Variants in MCTP1 observed in about 807,000 individuals in gnomAD.
MCTP1 encodes multiple C2 and transmembrane domain containing 1, also known as multiple C2 and transmembrane domain-containing protein 1.
A neutral mutation model predicts 120.6 loss-of-function variants in MCTP1; 69 were observed. The ratio of observed to expected loss-of-function variants is 0.57; its 90% confidence interval spans 0.47 to 0.70. The LOEUF (loss-of-function observed/expected upper bound fraction) is 0.70. MCTP1 is among the 30% of genes least tolerant of loss of function. The pLI is 0.00. For missense variants in MCTP1, 1,203 were observed against 1,248.8 expected (o/e 0.96, Z 0.55); for synonymous variants, 529 against 493.1 (o/e 1.07, Z -0.96).
At chr5:95,100,946 G>T (rs1756675995) in intron 1 of MCTP1, among the ~76,000 whole-genome samples, 1 of 152,096 alleles carries the variant, frequency 6.6e-6, no homozygotes, top group South Asian at 2.1e-4. Context: ...AAGGAACCAG[G>T]GATTCCTAAA....
rs1195742201 is a variant in MCTP1 at position 95,069,639 on chromosome 5, T to A, written c.721-52155A>T. 2.0e-5 allele frequency among the ~76,000 whole-genome samples: 3 copies of A among 151,940 alleles called. No homozygotes were observed. The East Asian group carries it at 5.8e-4, about 29-fold the overall frequency. On this transcript the variant is annotated intron_variant, in intron 1 of 22. Coordinates refer to ENST00000515393, the MANE Select transcript of MCTP1 (RefSeq NM_024717.7). ...CACTCTTCTTTGAGCTCCTTGTCCT[T>A]AGGCTCACAGGGATGTCAAGTTGGG...
At chr5:94,772,880 G>T (rs967249645) in intron 19 of MCTP1, among the ~76,000 whole-genome samples, 1 of 152,160 alleles carries the variant, frequency 6.6e-6, no homozygotes, top group Admixed American at 6.5e-5. Flanking sequence ...TTGAGTGGTA[G>T]GTCTGGCTCT....
intron 17 of MCTP1, among the ~76,000 whole-genome samples, chr5:94,864,851 G>A (rs1276084905): frequency 6.6e-6 from 1 of 151,834 alleles, no homozygotes; most frequent in Non-Finnish European, 1.5e-5. Flanking sequence ...AAAAGAAAGA[G>A]AAAATGTGCA....
chr5:95,063,197 T>C (rs1224042617), intron 1 of MCTP1, among the ~76,000 whole-genome samples: 8 of 152,188 alleles, frequency 5.3e-5, no homozygotes. Context: ...AGAAATTAGC[T>C]CTCCTACAGA....
intron 19 of MCTP1, among the ~76,000 whole-genome samples, chr5:94,738,673 C>T (rs2065783960): frequency 6.6e-6 from 1 of 152,206 alleles, no homozygotes; most frequent in Non-Finnish European, 1.5e-5. Flanking sequence ...TGATTGTCTG[C>T]AGCCTGAGAT....
At chr5:95,210,573 C>A (rs1408813212) in intron 1 of MCTP1, among the ~76,000 whole-genome samples, 5 of 148,432 alleles carry the variant, frequency 3.4e-5, no homozygotes, top group African/African-American at 1.2e-4. Context: ...TGTGTCTCTG[C>A]ATGTGAGATG....
intron 3 of MCTP1, among the ~76,000 whole-genome samples, chr5:94,942,836 C>T (rs1818059055): frequency 6.6e-6 from 1 of 151,950 alleles, no homozygotes; most frequent in African/African-American, 2.4e-5. Flanking sequence ...AGGACAATGC[C>T]ACTTTAAACA....
chr5:95,222,973 T>C (rs1349681464), intron 1 of MCTP1, among the ~76,000 whole-genome samples: 1 of 152,208 alleles, frequency 6.6e-6, no homozygotes. Flanking sequence ...GTGGATGAAG[T>C]CTGAAGGCAG....
At chr5:95,259,064 C>A (rs756237533) in intron 1 of MCTP1, among the ~76,000 whole-genome samples, 14 of 152,170 alleles carry the variant, frequency 9.2e-5, no homozygotes, top group Admixed American at 3.9e-4. Flanking sequence ...TGATCAGCAC[C>A]TGTGTCTTTG....
At position 95,038,394 on chromosome 5, in the gene MCTP1, T is replaced by C. The variant is rs75525458; in HGVS notation, c.721-20910A>G. ...ATCCATGATAATATACCAATATAAA[T>C]AAATAATTTGAATGCATAAATAAGT... is the stretch of plus-strand genomic sequence containing the variant. On this transcript the variant is annotated intron_variant, in intron 1 of 22. Coordinates refer to ENST00000515393, the MANE Select transcript of MCTP1 (RefSeq NM_024717.7). Among the ~76,000 whole-genome samples the C allele has an allele frequency of 7.9e-5, 12 of 152,288 alleles. 1 individual carries two copies. In the East Asian group the frequency reaches 2.3e-3, roughly 29 times the overall value.
chr5:95,243,616 C>G (rs574845629), intron 1 of MCTP1, among the ~76,000 whole-genome samples: 19 of 152,264 alleles, frequency 1.2e-4, no homozygotes, highest in South Asian at 4.1e-4. Flanking sequence ...AATTCTGGCT[C>G]TAGTTGGAGA....
chr5:95,120,100 C>T (rs1024871617), intron 1 of MCTP1, among the ~76,000 whole-genome samples: 1 of 144,948 alleles, frequency 6.9e-6, no homozygotes, highest in Admixed American at 7.4e-5. Flanking sequence ...TGGCGTGAAC[C>T]TGGGAGGCAG....
intron 17 of MCTP1, among the ~76,000 whole-genome samples, chr5:94,841,055 G>A (rs1283176981): frequency 6.6e-6 from 1 of 152,124 alleles, no homozygotes; most frequent in Non-Finnish European, 1.5e-5. Flanking sequence ...TTGACACTGG[G>A]GTGCCAAAGG....
intron 19 of MCTP1, among the ~76,000 whole-genome samples, chr5:94,735,442 T>G (rs1764005509): frequency 6.6e-6 from 1 of 152,020 alleles, no homozygotes; most frequent in Non-Finnish European, 1.5e-5. Flanking sequence ...CCATGCCTGG[T>G]TAATTTTTTT....
At chr5:95,209,549 A>C (rs1444815775) in intron 1 of MCTP1, among the ~76,000 whole-genome samples, 5 of 152,182 alleles carry the variant, frequency 3.3e-5, no homozygotes, top group Admixed American at 6.6e-5. Context: ...AATGCCATCC[A>C]TGATCCAGTC....
chr5:94,877,472 A>G (rs897032190), intron 12 of MCTP1: 1 of 152,158 alleles, frequency 6.6e-6, no homozygotes, highest in Non-Finnish European at 1.5e-5. Context: ...AACAGAATCT[A>G]TAACAGAATT....
At chr5:95,227,589 C>A (rs1390458997) in intron 1 of MCTP1, among the ~76,000 whole-genome samples, 2 of 152,090 alleles carry the variant, frequency 1.3e-5, no homozygotes, top group Non-Finnish European at 2.9e-5. Context: ...GGAATCATAA[C>A]AAATAGTTTA....
intron 15 of MCTP1, 129 bp downstream of exon 15, chr5:94,870,743 C>A: frequency 2.7e-6 from 2 of 730,582 alleles, no homozygotes; most frequent in South Asian, 3.5e-5. Flanking sequence ...GTGGCAGAAG[C>A]GTATTCTCCA....
At chr5:94,718,384 C>A (rs1760037068) in intron 19 of MCTP1, among the ~76,000 whole-genome samples, 1 of 152,032 alleles carries the variant, frequency 6.6e-6, no homozygotes, top group African/African-American at 2.4e-5. Context: ...ATGTAAAACA[C>A]AAAACTATAA....
Sources: allele counts gnomAD v4.1 joint callset (sites outside exome capture counted in the v4.1 genomes callset), GRCh38; gene constraint gnomAD v4.1.1; transcripts MANE v1.5; gene names NCBI Gene and HGNC (gene_info 2026-07-23, HGNC 2026-07-21).